SLC35F3: variants seen among roughly 807,000 people sequenced by gnomAD.
SLC35F3 encodes putative thiamine transporter SLC35F3.
Under a neutral mutation model 49.9 loss-of-function variants are expected in SLC35F3, and 25 were observed. That is an observed-to-expected ratio of 0.50 (90% CI 0.37 to 0.70). The LOEUF (loss-of-function observed/expected upper bound fraction) is 0.70, where lower values mean the gene tolerates loss of function less well. Among genes scored for constraint, SLC35F3 ranks in the 30% least tolerant of loss-of-function variants. The pLI, the probability that SLC35F3 is intolerant of heterozygous loss-of-function variation, is 0.00. For missense variants in SLC35F3, 525 were observed against 639.8 expected, an observed-to-expected ratio of 0.82 and a Z score of 1.94; for synonymous variants, 275 against 265.4, an observed-to-expected ratio of 1.04 and a Z score of -0.35.
chr1:233,919,293 A>T (rs12139792), intron 2 of SLC35F3, among the ~76,000 whole-genome samples: 1 of 151,938 alleles, frequency 6.6e-6, no homozygotes, highest in Non-Finnish European at 1.5e-5. Flanking sequence ...GCTGGCTTCA[A>T]CCACACTTAG....
chr1:234,066,754 CCTCT>C (rs1225222290), intron 2 of SLC35F3, among the ~76,000 whole-genome samples: 6 of 144,314 alleles, frequency 4.2e-5, no homozygotes, highest in Admixed American at 2.1e-4. Flanking sequence ...TCTTTCTCTC[CCTCT>C]CTCTCTCTTT....
In SLC35F3 at chr1:234,309,208, A is replaced by G. The variant is rs144603176; in HGVS notation, c.716A>G (p.His239Arg). 6.2e-7 allele frequency: 1 copy of G among 1,614,090 alleles called. No individual in the cohort carries two copies. Among genetic ancestry groups the G allele is most frequent in the Non-Finnish European group, 8.5e-7 (1 of 1,180,042 alleles). The change falls in exon 4 of 8, where the codon CAT becomes CGT. Residue 239 changes from histidine to arginine, a missense_variant. This residue lies in a region of SLC35F3 where 216 missense variants were observed against 298.1 expected (regional missense o/e 0.72). Coordinates refer to ENST00000366618, the MANE Select transcript of SLC35F3 (RefSeq NM_173508.4). ...ACACTCACAAACTACCTGTACTTAC[A>G]TGCAATAAAGAAAATAAACACTACG... is the stretch of plus-strand genomic sequence containing the variant. ...LWTLTNYLYL[H>R]AIKKINTTDV...
chr1:233,950,457 TTTCC>T lies in SLC35F3; in HGVS notation c.283+44726_283+44729del, dbSNP rs374073382. Among the ~76,000 whole-genome samples the T allele has an allele frequency of 8.2e-3, 1,038 of 127,260 alleles. 9 individuals are homozygous for T. Among genetic ancestry groups the T allele is most frequent in the African/African-American group, 0.019 (648 of 34,612 alleles). 83.5% of individuals were successfully genotyped at this position (127,260 alleles called of 152,430 possible). ...CAGCAAAGAAATGTTTCCTTCCTTC[TTTCC>T]TTCCTTCCTTCCTTCCTTCCTTCCT... On this transcript the variant is annotated intron_variant, in intron 2 of 7. Coordinates refer to ENST00000366618, the MANE Select transcript of SLC35F3 (RefSeq NM_173508.4).
At chr1:234,099,565 G>C (rs893136156) in intron 2 of SLC35F3, among the ~76,000 whole-genome samples, 1 of 145,532 alleles carries the variant, frequency 6.9e-6, no homozygotes, top group African/African-American at 2.6e-5. Context: ...AGCTGAGATC[G>C]CGCCACTGCA....
intron 2 of SLC35F3, among the ~76,000 whole-genome samples, chr1:233,932,127 C>T (rs1662252612): frequency 6.6e-6 from 1 of 152,012 alleles, no homozygotes; most frequent in Non-Finnish European, 1.5e-5. Flanking sequence ...CGGGGAACAT[C>T]ACACACCGGG....
intron 2 of SLC35F3, among the ~76,000 whole-genome samples, chr1:233,974,073 G>A (rs558345530): frequency 2.5e-4 from 38 of 151,702 alleles, no homozygotes; most frequent in African/African-American, 7.5e-4. Context: ...TTTATCTGAT[G>A]GCAATGTTCT....
At chr1:234,275,137 G>A (rs74671971) in intron 3 of SLC35F3, among the ~76,000 whole-genome samples, 3 of 152,042 alleles carry the variant, frequency 2.0e-5, no homozygotes, top group Non-Finnish European at 4.4e-5. Context: ...ATTTCACACC[G>A]GACCTCATTT....
intron 2 of SLC35F3, among the ~76,000 whole-genome samples, chr1:233,981,645 C>T (rs1313949514): frequency 6.7e-6 from 1 of 149,518 alleles, no homozygotes; most frequent in East Asian, 2.0e-4. Context: ...TTTGTGTGGA[C>T]AGAATTCCAC....
At chr1:233,955,341 T>C (rs370903485) in intron 2 of SLC35F3, among the ~76,000 whole-genome samples, 10 of 152,254 alleles carry the variant, frequency 6.6e-5, no homozygotes, top group African/African-American at 2.4e-4. Flanking sequence ...CTTTATCTTT[T>C]TCTCTGAAAC....
At position 234,046,156 on chromosome 1, in the gene SLC35F3, G is replaced by A. The variant is rs1161599565; in HGVS notation, c.283+140398G>A. 2.0e-5 allele frequency among the ~76,000 whole-genome samples: 3 copies of A among 152,112 alleles called. No individual in the cohort carries two copies. Among genetic ancestry groups the A allele is most frequent in the Non-Finnish European group, 4.4e-5 (3 of 67,980 alleles). On this transcript the variant is annotated intron_variant, in intron 2 of 7. Transcript: ENST00000366618. This position sits in a 1 kb window ranked among gnomAD's most constrained non-coding sequence, Gnocchi z 4.4. ...GTTTCTCCAGAGTGTGTACAGCAAAGTAAAATTGTGAGGTCAGAGTTATGA... is the reference window on the plus strand; with the variant it reads ...GTTTCTCCAGAGTGTGTACAGCAAAATAAAATTGTGAGGTCAGAGTTATGA...
At chr1:234,189,225 A>G (rs1666694425) in intron 2 of SLC35F3, among the ~76,000 whole-genome samples, 1 of 152,154 alleles carries the variant, frequency 6.6e-6, no homozygotes, top group Non-Finnish European at 1.5e-5. Flanking sequence ...AAATGCTTGA[A>G]TTGCCAGAAC....
In SLC35F3 at chr1:234,179,061, C is replaced by A. The variant is rs557246144; in HGVS notation, c.284-52356C>A. ...TGATGGCTCAGTGTGATACAGGCAG[C>A]CCCAGGTGTTCCATCTCCAGGCCCC... On this transcript the variant is annotated intron_variant, in intron 2 of 7. Coordinates refer to ENST00000366618, the MANE Select transcript of SLC35F3 (RefSeq NM_173508.4). Among the ~76,000 whole-genome samples, 42 of 152,234 alleles carry A rather than the reference C, an allele frequency of 2.8e-4. No individual in the cohort carries two copies. In the East Asian group the frequency reaches 7.5e-3, roughly 27 times the overall value.
chr1:234,061,865 T>C (rs1664546361), intron 2 of SLC35F3, among the ~76,000 whole-genome samples: 1 of 151,852 alleles, frequency 6.6e-6, no homozygotes, highest in South Asian at 2.1e-4. Context: ...ATTGTCATCA[T>C]ATCTTTATCT....
intron 2 of SLC35F3, among the ~76,000 whole-genome samples, chr1:234,210,668 C>T (rs1035234507): frequency 6.6e-6 from 1 of 152,222 alleles, no homozygotes; most frequent in African/African-American, 2.4e-5. Flanking sequence ...GCAAAGCATT[C>T]AACAGGTGAC....
intron 3 of SLC35F3, among the ~76,000 whole-genome samples, chr1:234,258,278 C>T (rs1667851799): frequency 6.6e-6 from 1 of 152,202 alleles, no homozygotes. Flanking sequence ...CGGGAGTTCA[C>T]AGGACTGGTT....
At chr1:234,173,937 G>A (rs1666438833) in intron 2 of SLC35F3, among the ~76,000 whole-genome samples, 1 of 152,180 alleles carries the variant, frequency 6.6e-6, no homozygotes, top group Admixed American at 6.5e-5. Context: ...CTGGAGCCTG[G>A]GGAATGTGCC....
chr1:234,082,876 C>T (rs919885832), intron 2 of SLC35F3, among the ~76,000 whole-genome samples: 4 of 152,138 alleles, frequency 2.6e-5, no homozygotes, highest in Admixed American at 6.5e-5. Flanking sequence ...TCCTACAACA[C>T]CTGGGAATTA....
chr1:234,257,462 T>C (rs6695462), intron 3 of SLC35F3, among the ~76,000 whole-genome samples: 49,265 of 151,936 alleles, frequency 0.32, 8,714 homozygotes, highest in East Asian at 0.74. Flanking sequence ...TTTTAAGATT[T>C]GCCATTTGCT....
Position 234,081,897 on chromosome 1 carries a change from C to T in SLC35F3, c.284-149520C>T, listed in dbSNP as rs143596461. On this transcript the variant is annotated intron_variant, in intron 2 of 7. Coordinates refer to ENST00000366618, the MANE Select transcript of SLC35F3 (RefSeq NM_173508.4). ...GGACTACAGGCGCCTGCCACCATGC[C>T]TGGCTAATTTTTTTTTTTTTTTTTT... 2.5e-3 allele frequency among the ~76,000 whole-genome samples: 281 copies of T among 112,834 alleles called. 1 individual carries two copies. The highest frequency in any genetic ancestry group is 9.8e-3 in the African/African-American group (260 of 26,458). 74.0% of individuals were successfully genotyped at this position (112,834 alleles called of 152,430 possible).
Sources: allele counts gnomAD v4.1 joint callset (sites outside exome capture counted in the v4.1 genomes callset), GRCh38; gene constraint gnomAD v4.1.1; regional missense constraint gnomAD v4.1.1; non-coding constraint Gnocchi (gnomAD v3.1); transcripts MANE v1.5; gene names NCBI Gene and HGNC (gene_info 2026-07-23, HGNC 2026-07-21).